The following SMAGP variants were observed in gnomAD, a reference collection of about 807,000 sequenced individuals.
SMAGP encodes small cell transmembrane and glycosylated protein.
Under a neutral mutation model 10.1 loss-of-function variants are expected in SMAGP, and 7 were observed. The ratio of observed to expected loss-of-function variants is 0.70; its 90% CI spans 0.40 to 1.31. The LOEUF (loss-of-function observed/expected upper bound fraction) is 1.31. Ranked by LOEUF, SMAGP falls within the 50% of genes most tolerant of loss-of-function variation. The pLI, the probability that SMAGP is intolerant of heterozygous loss-of-function variation, is 0.01. For synonymous variants in SMAGP, 49 were observed against 47.2 expected (o/e 1.04, Z -0.16); for missense variants, 113 against 116.5 (o/e 0.97, Z 0.14).
chr12:51,257,488 T>C (rs3886185), intron 2 of SMAGP, among the ~76,000 whole-genome samples: 102,832 of 151,690 alleles, frequency 0.68, 38,664 homozygotes, highest in Non-Finnish European at 0.86. Context: ...GTGGGGAGAA[T>C]TGTTTGGGGC....
intron 1 of SMAGP, 132 bp from the exon 2 acceptor site, chr12:51,269,448 G>C: frequency 1.5e-6 from 1 of 662,690 alleles, no homozygotes. Context: ...TCCTCTTCTG[G>C]TTTCCCTGAA....
chr12:51,267,735 C>T (rs1330347628), intron 2 of SMAGP, among the ~76,000 whole-genome samples: 2 of 152,074 alleles, frequency 1.3e-5, no homozygotes, highest in Non-Finnish European at 2.9e-5. Context: ...GCTCAGTCTG[C>T]CTGCCTCAAC....
chr12:51,260,206 C>CTTTTTT (rs1274632737), intron 2 of SMAGP, among the ~76,000 whole-genome samples: 5 of 104,908 alleles, frequency 4.8e-5, no homozygotes, highest in Non-Finnish European at 6.0e-5. Flanking sequence ...GTCATGGTTT[C>CTTTTTT]TTTTTTTTTT....
At chr12:51,255,074 C>T (rs1375091744) in intron 2 of SMAGP, among the ~76,000 whole-genome samples, 1 of 152,116 alleles carries the variant, frequency 6.6e-6, no homozygotes, top group East Asian at 1.9e-4. Flanking sequence ...CTCAGTCTGT[C>T]CTCCAGGCTG....
intron 2 of SMAGP, among the ~76,000 whole-genome samples, chr12:51,261,092 ATT>A (rs34540958): frequency 9.0e-6 from 1 of 110,780 alleles, no homozygotes; most frequent in East Asian, 2.7e-4. Context: ...CCCAGCCTTA[ATT>A]TTTTTTTTTT....
In SMAGP at chr12:51,270,367, G is replaced by C; in HGVS notation, c.-150C>G. The C allele has an allele frequency of 5.0e-6, 1 of 200,816 alleles. No homozygotes were observed. Among genetic ancestry groups the C allele is most frequent in the Non-Finnish European group, 1.0e-5 (1 of 100,168 alleles). The allele number at this position is 200,816 out of a possible 1,614,324, so 12.4% of individuals were successfully genotyped here. ...GCGGAGGCCAGCAGAGGCCGAACGA[G>C]GACCCCGAGCGGAGGAAGCCGCGGG... On this transcript the variant is annotated 5_prime_UTR_variant, in exon 1 of 4. Coordinates refer to ENST00000603798, the MANE Select transcript of SMAGP (RefSeq NM_001031628.2).
intron 2 of SMAGP, among the ~76,000 whole-genome samples, chr12:51,267,859 G>A (rs928698757): frequency 7.9e-5 from 12 of 152,116 alleles, no homozygotes; most frequent in Non-Finnish European, 1.6e-4. Flanking sequence ...CAGTCACAGA[G>A]GACACTGTCT....
At chr12:51,246,453 CCT>C in intron 3 of SMAGP, 3 of 427,002 alleles carry the variant, frequency 7.0e-6, no homozygotes, top group South Asian at 5.2e-5. Context: ...TGATCCTCCC[CCT>C]CTTCCTCACC....
intron 2 of SMAGP, among the ~76,000 whole-genome samples, chr12:51,256,741 CA>C (rs10660612): frequency 2.7e-5 from 4 of 145,832 alleles, no homozygotes; most frequent in African/African-American, 2.5e-5. Context: ...AACAAACAAA[CA>C]AAAAAAACAC....
chr12:51,264,845 T>C (rs1186616718), intron 2 of SMAGP, among the ~76,000 whole-genome samples: 3 of 150,242 alleles, frequency 2.0e-5, no homozygotes, highest in East Asian at 2.0e-4. Flanking sequence ...GGCAGGAGAA[T>C]TGCTTGAACC....
At chr12:51,262,076 G>C (rs916169178) in intron 2 of SMAGP, among the ~76,000 whole-genome samples, 1 of 151,402 alleles carries the variant, frequency 6.6e-6, no homozygotes, top group African/African-American at 2.4e-5. Context: ...CTGTCTCTCT[G>C]TGTATTTTTT....
chr12:51,250,583 C>G (rs59240218), intron 2 of SMAGP, among the ~76,000 whole-genome samples: 1,879 of 150,862 alleles, frequency 0.012, 60 homozygotes, highest in East Asian at 0.11. Flanking sequence ...ATGGTGCAAT[C>G]TTGGCTCACT....
chr12:51,267,000 C>T (rs1283839765), intron 2 of SMAGP, among the ~76,000 whole-genome samples: 4 of 152,100 alleles, frequency 2.6e-5, no homozygotes, highest in African/African-American at 9.7e-5. Context: ...CCTGTAATTC[C>T]AGCTACTAGG....
At chr12:51,248,446 T>G (rs1310314366) in intron 2 of SMAGP, among the ~76,000 whole-genome samples, 6 of 76,062 alleles carry the variant, frequency 7.9e-5, no homozygotes, top group Admixed American at 5.3e-4. Context: ...TCTCTCTCTC[T>G]CTCTCTCTCT....
Position 51,245,874 on chromosome 12 carries a change from T to G in SMAGP, c.*67A>C. ...TTCTCCCTGGCTTCAGAGAAAACTT[T>G]CCCATAATAAGCAGTCAACGTGTTA... is the stretch of plus-strand genomic sequence containing the variant. On this transcript the variant is annotated 3_prime_UTR_variant, in exon 4 of 4. Coordinates refer to ENST00000603798, the MANE Select transcript of SMAGP (RefSeq NM_001031628.2). 6.6e-7 allele frequency: 1 copy of G among 1,524,118 alleles called. No homozygotes were observed. 94.4% of individuals were successfully genotyped at this position (1,524,118 alleles called of 1,614,324 possible).
Position 51,263,997 on chromosome 12 carries a change from T to C in SMAGP, c.34+5248A>G, listed in dbSNP as rs116648052. Among the ~76,000 whole-genome samples, 1,305 of 152,164 alleles carry C rather than the reference T, an allele frequency of 8.6e-3. 9 individuals are homozygous for C. Among genetic ancestry groups the C allele is most frequent in the African/African-American group, 0.03 (1,244 of 41,544 alleles). On this transcript the variant is annotated intron_variant, in intron 2 of 3. Transcript: ENST00000603798. ...TGATGCAGTTGTAAAATATGATTTT[T>C]AATATTTTTTTAAGTGAAGGAGGAG... is the stretch of plus-strand genomic sequence containing the variant.
chr12:51,244,824 T>TA lies in SMAGP; in HGVS notation c.*1116_*1117insT, dbSNP rs1944743958. 7.0e-6 allele frequency: 1 copy of TA among 143,268 alleles called. No homozygotes were observed. Among genetic ancestry groups the TA allele is most frequent in the Non-Finnish European group, 1.5e-5 (1 of 67,012 alleles). The allele number at this position is 143,268 out of a possible 1,614,324, so 8.9% of individuals were successfully genotyped here. On this transcript the variant is annotated 3_prime_UTR_variant, in exon 4 of 4. Coordinates refer to ENST00000603798, the MANE Select transcript of SMAGP (RefSeq NM_001031628.2). Reference sequence around the variant, plus strand: ...ACCAACTCATCTCCCAGGGTACTTTTTTTTTTTTTTTTTTTTTTGAGACGG... The same window carrying TA: ...ACCAACTCATCTCCCAGGGTACTTTTATTTTTTTTTTTTTTTTTTGAGACGG...
At chr12:51,268,678 G>A (rs1007125580) in intron 2 of SMAGP, among the ~76,000 whole-genome samples, 1 of 145,228 alleles carries the variant, frequency 6.9e-6, no homozygotes, top group Non-Finnish European at 1.5e-5. Context: ...GTGCTTCCCA[G>A]GTTCAAGCGA....
intron 2 of SMAGP, among the ~76,000 whole-genome samples, chr12:51,252,955 G>A (rs1777650069): frequency 1.3e-5 from 2 of 152,126 alleles, no homozygotes; most frequent in Admixed American, 1.3e-4. Flanking sequence ...GACAGCCAAA[G>A]GCACTGCAAG....
Sources: allele counts gnomAD v4.1 joint callset (sites outside exome capture counted in the v4.1 genomes callset), GRCh38; gene constraint gnomAD v4.1.1; transcripts MANE v1.5; gene names NCBI Gene and HGNC (gene_info 2026-07-23, HGNC 2026-07-21).